Variants in EML6 observed in about 807,000 individuals in gnomAD.
The protein encoded by EML6 is EMAP like 6.
Under a neutral mutation model 240.1 loss-of-function variants are expected in EML6, and 154 were observed. The ratio of observed to expected loss-of-function variants is 0.64; its 90% CI spans 0.56 to 0.73. The LOEUF is 0.73. EML6 is among the 30% of genes least tolerant of loss of function. The probability of loss-of-function intolerance (pLI) is 0.00; values close to 1 mark genes in which losing one functional copy is unlikely to be tolerated. For missense variants in EML6, 2,964 were observed against 2,474.6 expected, an observed-to-expected ratio of 1.20 and a Z score of -4.20; for synonymous variants, 1,148 against 899.0, an observed-to-expected ratio of 1.28 and a Z score of -4.95.
At chr2:54,927,696 A>G (rs1573160400) in intron 26 of EML6, among the ~76,000 whole-genome samples, 1 of 152,188 alleles carries the variant, frequency 6.6e-6, no homozygotes, top group African/African-American at 2.4e-5. Flanking sequence ...ACCACTCCAA[A>G]AAGCTTTTAG....
chr2:54,928,454 A>C lies in EML6; in HGVS notation c.3817A>C (p.Thr1273Pro), dbSNP rs918728408. 1 of 1,550,230 alleles carries C rather than the reference A, an allele frequency of 6.5e-7. No individual in the cohort carries two copies. The highest frequency in any genetic ancestry group is 8.7e-7 in the Non-Finnish European group (1 of 1,146,078). The change falls in exon 27 of 42, where the codon ACC (threonine) becomes CCC (proline). Residue 1273 changes from threonine (T) to proline (P), a missense_variant. By Grantham distance (38) the Thr-to-Pro change is conservative. Transcript: ENST00000356458. ...LMIWTREFVGTQESKLVDSEE... is the reference protein window; with the variant it reads ...LMIWTREFVGPQESKLVDSEE... ...GATCTGGACCAGGGAGTTTGTGGGGACCCAGGAGAGCAAGCTGGTGGACAG... is the reference window on the plus strand; with the variant it reads ...GATCTGGACCAGGGAGTTTGTGGGGCCCCAGGAGAGCAAGCTGGTGGACAG...
chr2:54,960,887 ACCT>A (rs1017031245), intron 35 of EML6, among the ~76,000 whole-genome samples: 4 of 152,226 alleles, frequency 2.6e-5, no homozygotes, highest in African/African-American at 9.6e-5. Context: ...CAGGAGTGGG[ACCT>A]GGACCTGTAT....
In EML6 at chr2:54,892,333, T is replaced by C. The variant is rs183864409; in HGVS notation, c.2540-121T>C. On this transcript the variant is annotated intron_variant, in intron 18 of 41. Coordinates refer to ENST00000356458, the MANE Select transcript of EML6 (RefSeq NM_001039753.4). ...TGTTCATGATGTTCTCTGTCACTTT[T>C]AGACATCTTTACATAAATACCTAAT... The C allele has an allele frequency of 5.4e-4, 349 of 647,348 alleles. 4 individuals carry two copies. The highest frequency in any genetic ancestry group is 1.7e-3 in the South Asian group (88 of 50,716). The allele number at this position is 647,348 out of a possible 1,614,324, so 40.1% of individuals were successfully genotyped here.
intron 28 of EML6, among the ~76,000 whole-genome samples, chr2:54,931,632 C>T (rs1331234975): frequency 1.3e-5 from 2 of 152,146 alleles, no homozygotes; most frequent in Non-Finnish European, 2.9e-5. Context: ...TCGTGCCTTC[C>T]GTATATACCT....
intron 8 of EML6, among the ~76,000 whole-genome samples, chr2:54,845,213 G>T (rs1476762089): frequency 1.3e-5 from 2 of 152,182 alleles, no homozygotes; most frequent in African/African-American, 2.4e-5. Flanking sequence ...CTAAAAATCA[G>T]TGAGAAAAAC....
intron 29 of EML6, among the ~76,000 whole-genome samples, chr2:54,949,596 C>G (rs756648260): frequency 1.1e-4 from 17 of 152,086 alleles, no homozygotes; most frequent in Non-Finnish European, 2.4e-4. Context: ...CAGACTCCAC[C>G]CTCTCTCTCT....
At position 54,903,086 on chromosome 2, in the gene EML6, C is replaced by G. The variant is rs1303113211; in HGVS notation, c.3167C>G (p.Ala1056Gly). Residue 1056 changes from alanine to glycine, a missense_variant, in exon 23 of 42, where the codon GCG (alanine) becomes GGG (glycine). Ala to Gly is a moderately conservative substitution (Grantham distance 60). Coordinates refer to ENST00000356458, the MANE Select transcript of EML6 (RefSeq NM_001039753.4). Reference sequence around the variant, plus strand: ...TTTTCCCCTGATGGGAAAGCCTTAGCGGTTGGCTTGAACGATGGGAGTTTC... The same window carrying G: ...TTTTCCCCTGATGGGAAAGCCTTAGGGGTTGGCTTGAACGATGGGAGTTTC... ...CAFSPDGKALAVGLNDGSFLV... is the reference protein window; with the variant it reads ...CAFSPDGKALGVGLNDGSFLV... 3 of 1,551,716 alleles carry G rather than the reference C, an allele frequency of 1.9e-6. No individual in the cohort carries two copies. In the South Asian group the frequency reaches 3.6e-5, roughly 18 times the overall value.
rs184642979 is a variant in EML6, at chr2:54,858,883, C to G, written c.1658-651C>G. On this transcript the variant is annotated intron_variant, in intron 11 of 41. Transcript: ENST00000356458. ...AAGAGAGGTTGGGGTATTTGACCTCCTGAAATCTACCATGGACTTTGGGGT... is the reference window on the plus strand; with the variant it reads ...AAGAGAGGTTGGGGTATTTGACCTCGTGAAATCTACCATGGACTTTGGGGT... 2.4e-3 allele frequency among the ~76,000 whole-genome samples: 373 copies of G among 152,296 alleles called. 2 individuals are homozygous for G. The highest frequency in any genetic ancestry group is 3.5e-3 in the Non-Finnish European group (241 of 68,022).
chr2:54,880,475 G>A (rs1178883546), intron 17 of EML6: 1 of 152,056 alleles, frequency 6.6e-6, no homozygotes, highest in African/African-American at 2.4e-5. Context: ...TATTAAATAG[G>A]AAAAAAGTTT....
chr2:54,741,278 C>A (rs1187226333), intron 2 of EML6, among the ~76,000 whole-genome samples: 1 of 152,118 alleles, frequency 6.6e-6, no homozygotes, highest in Non-Finnish European at 1.5e-5. Context: ...TTGATGGTTA[C>A]TCCCCTAGCC....
chr2:54,792,697 A>G (rs904295836), intron 2 of EML6, among the ~76,000 whole-genome samples: 1 of 152,258 alleles, frequency 6.6e-6, no homozygotes, highest in African/African-American at 2.4e-5. Flanking sequence ...ATGTGAAAAA[A>G]TACTGCTAAA....
chr2:54,952,031 G>T (rs999078114), intron 30 of EML6, among the ~76,000 whole-genome samples: 3 of 152,174 alleles, frequency 2.0e-5, no homozygotes, highest in Non-Finnish European at 4.4e-5. Context: ...TCCACTTCCT[G>T]TGACATATGT....
At chr2:54,749,121 A>G (rs1240954133) in intron 2 of EML6, among the ~76,000 whole-genome samples, 6 of 152,248 alleles carry the variant, frequency 3.9e-5, no homozygotes, top group Non-Finnish European at 5.9e-5. Flanking sequence ...ATGGACATGT[A>G]GGAAAATGAT....
At chr2:54,952,838 C>G (rs1473047306) in intron 31 of EML6, 146 bp downstream of exon 31, 2 of 619,366 alleles carry the variant, frequency 3.2e-6, no homozygotes, top group Non-Finnish European at 2.9e-6. Context: ...CTGAGTGTAT[C>G]TGTGTCACCT....
chr2:54,886,160 C>CTTTTTTTTTTTT (rs869107962), intron 17 of EML6, among the ~76,000 whole-genome samples: 2 of 82,216 alleles, frequency 2.4e-5, no homozygotes, highest in African/African-American at 4.3e-5. Flanking sequence ...TTTTAACCTT[C>CTTTTTTTTTTTT]TTTTTTTTTT....
At chr2:54,939,815 A>G (rs1218800264) in intron 28 of EML6, among the ~76,000 whole-genome samples, 3 of 152,126 alleles carry the variant, frequency 2.0e-5, no homozygotes, top group Non-Finnish European at 4.4e-5. Context: ...TTCCTCTCCC[A>G]ATTCTCTGTG....
intron 28 of EML6, among the ~76,000 whole-genome samples, chr2:54,937,952 C>T (rs375627014): frequency 3.1e-4 from 47 of 152,246 alleles, no homozygotes; most frequent in African/African-American, 1.1e-3. Context: ...CCTCTTTATA[C>T]GTAAAGAGGT....
At chr2:54,879,443 T>G in intron 16 of EML6, 104 bp from the exon 17 acceptor site, 1 of 741,170 alleles carries the variant, frequency 1.3e-6, no homozygotes, top group Non-Finnish European at 2.3e-6. Context: ...TCACCTCAAA[T>G]ATTTATCAGT....
At chr2:54,827,965 G>C (rs988889313) in intron 6 of EML6, among the ~76,000 whole-genome samples, 1 of 152,106 alleles carries the variant, frequency 6.6e-6, no homozygotes, top group African/African-American at 2.4e-5. Flanking sequence ...ACTATTAATT[G>C]CTTGATTTAT....
Sources: allele counts gnomAD v4.1 joint callset (sites outside exome capture counted in the v4.1 genomes callset), GRCh38; gene constraint gnomAD v4.1.1; transcripts MANE v1.5; gene names NCBI Gene and HGNC (gene_info 2026-07-23, HGNC 2026-07-21).